Variants in KLRG1 observed in about 807,000 individuals in gnomAD.
KLRG1 encodes killer cell lectin-like receptor subfamily G member 1.
A neutral mutation model predicts 21.8 loss-of-function variants in KLRG1; 16 were observed. The observed-to-expected ratio is 0.73, with a 90% CI of 0.50 to 1.11. KLRG1 has a LOEUF of 1.11. KLRG1 is among the 50% of genes most tolerant of loss of function. KLRG1 has a pLI of 0.00. For missense variants in KLRG1, 173 were observed against 218.3 expected, an observed-to-expected ratio of 0.79 and a Z score of 1.31; for synonymous variants, 69 against 75.9, an observed-to-expected ratio of 0.91 and a Z score of 0.47.
At chr12:9,133,298 G>C in the KLRG1 span, among the ~76,000 whole-genome samples, 1 of 152,184 alleles carries the variant, frequency 6.6e-6, no homozygotes, top group Admixed American at 6.5e-5. Context: ...TCTTGAATTA[G>C]GTACTGGGGA....
chr12:8,975,759 G>C (rs1946648203), intron 1 of KLRG1, among the ~76,000 whole-genome samples: 1 of 151,896 alleles, frequency 6.6e-6, no homozygotes, highest in Admixed American at 6.6e-5. Context: ...ACGAGGTTTT[G>C]CCATGTTGGC....
chr12:9,154,203 A>T, the KLRG1 span, among the ~76,000 whole-genome samples: 1 of 152,226 alleles, frequency 6.6e-6, no homozygotes, highest in African/African-American at 2.4e-5. Flanking sequence ...TCTTGTTTCA[A>T]CTGGAAGTGA....
the KLRG1 span, among the ~76,000 whole-genome samples, chr12:9,102,490 A>C: frequency 6.6e-6 from 1 of 152,146 alleles, no homozygotes; most frequent in Non-Finnish European, 1.5e-5. Context: ...TGCTGGGATT[A>C]CAGGCGTGAG....
chr12:9,204,462 A>T, the KLRG1 span, among the ~76,000 whole-genome samples: 649 of 152,336 alleles, frequency 4.3e-3, 3 homozygotes, highest in African/African-American at 0.014. Flanking sequence ...AGCATATATC[A>T]TTACACAAAA....
chr12:9,082,261 G>GCC, the KLRG1 span, among the ~76,000 whole-genome samples: 48 of 152,120 alleles, frequency 3.2e-4, no homozygotes, highest in Non-Finnish European at 5.3e-4. Context: ...TAACCTCACA[G>GCC]CCCGGATTGT....
chr12:9,200,273 T>C, the KLRG1 span: 1 of 816,036 alleles, frequency 1.2e-6, no homozygotes, highest in Non-Finnish European at 1.9e-6. Context: ...ACAAAAGTGC[T>C]GAGGCAAAGT....
the KLRG1 span, among the ~76,000 whole-genome samples, chr12:9,142,713 C>A: frequency 2.6e-5 from 4 of 152,102 alleles, no homozygotes; most frequent in Non-Finnish European, 5.9e-5. Flanking sequence ...GATTATTGGC[C>A]TTTGGGTGAG....
At chr12:9,153,132 TAC>T in the KLRG1 span, 1 of 1,614,034 alleles carries the variant, frequency 6.2e-7, no homozygotes, top group Non-Finnish European at 8.5e-7. Flanking sequence ...TACCTGAAGA[TAC>T]ACACATCTTT....
At chr12:8,974,062 G>T (rs1946615527) in intron 1 of KLRG1, among the ~76,000 whole-genome samples, 2 of 151,782 alleles carry the variant, frequency 1.3e-5, no homozygotes, top group South Asian at 4.1e-4. Context: ...GCTCTGGCTA[G>T]GATATCCAGC....
the KLRG1 span, chr12:9,069,094 A>G: frequency 6.6e-6 from 2 of 302,796 alleles, no homozygotes; most frequent in Non-Finnish European, 1.2e-5. Context: ...GGTAAATGAT[A>G]TATACTTTTT....
At chr12:9,192,698 C>A in the KLRG1 span, 3 of 1,613,472 alleles carry the variant, frequency 1.9e-6, no homozygotes, top group Admixed American at 1.7e-5. Flanking sequence ...CTTCTGCTAC[C>A]CATGAATAGT....
the KLRG1 span, among the ~76,000 whole-genome samples, chr12:9,026,006 G>A: frequency 2.6e-5 from 4 of 152,192 alleles, no homozygotes; most frequent in Non-Finnish European, 5.9e-5. Context: ...GCAGCCCTGC[G>A]AGCTTGGGTG....
chr12:8,978,583 G>GC (rs1453884760), intron 1 of KLRG1, among the ~76,000 whole-genome samples: 1 of 151,936 alleles, frequency 6.6e-6, no homozygotes, highest in Non-Finnish European at 1.5e-5. Flanking sequence ...TGAGGTTTAG[G>GC]CTGAGAAACC....
the KLRG1 span, chr12:9,057,804 A>G: frequency 6.6e-6 from 1 of 152,312 alleles, no homozygotes; most frequent in African/African-American, 2.4e-5. Flanking sequence ...CCTTTGAAAG[A>G]TAATTTTTTA....
chr12:8,977,390 A>T (rs55988653), intron 1 of KLRG1, among the ~76,000 whole-genome samples: 59,384 of 119,734 alleles, frequency 0.5, 13,236 homozygotes, highest in East Asian at 0.62. Flanking sequence ...TTTTTTTTTT[A>T]TTTGTAGTAG....
the KLRG1 span, chr12:9,101,631 A>G: frequency 6.2e-7 from 1 of 1,613,952 alleles, no homozygotes; most frequent in Non-Finnish European, 8.5e-7. Context: ...TTCTTCTGAC[A>G]CCCACTGGTA....
chr12:8,951,089 A>T (rs944529866), intron 1 of KLRG1, among the ~76,000 whole-genome samples: 13 of 152,196 alleles, frequency 8.5e-5, no homozygotes, highest in Non-Finnish European at 1.8e-4. Context: ...TTGTGATCAG[A>T]TAACACAGAA....
the KLRG1 span, among the ~76,000 whole-genome samples, chr12:9,197,598 AT>A: frequency 1.9e-5 from 2 of 103,860 alleles, no homozygotes; most frequent in African/African-American, 7.9e-5. Flanking sequence ...TAATATATAA[AT>A]ATAATATATA....
At chr12:8,971,319 T>G (rs1026289843) in intron 1 of KLRG1, 1 of 152,164 alleles carries the variant, frequency 6.6e-6, no homozygotes, top group African/African-American at 2.4e-5. Flanking sequence ...AATTCTGTTT[T>G]TTTTCCATAA....
Sources: allele counts gnomAD v4.1 joint callset (sites outside exome capture counted in the v4.1 genomes callset), GRCh38; gene constraint gnomAD v4.1.1; transcripts MANE v1.5; gene names NCBI Gene and HGNC (gene_info 2026-07-23, HGNC 2026-07-21).